The following DEFB121 variants were observed in gnomAD, a reference collection of about 807,000 sequenced individuals.
The protein encoded by DEFB121 is defensin beta 121, also known as beta-defensin 121.
In DEFB121, 5 loss-of-function variants were observed where a neutral mutation model predicts 2.5. The observed-to-expected ratio is 1.96, with a 90% CI of 1.03 to 4.13. DEFB121 has a LOEUF of 4.13. Among genes scored for constraint, DEFB121 ranks in the 30% most tolerant of loss-of-function variants. DEFB121 has a pLI of 0.00. For missense variants in DEFB121, 87 were observed against 85.0 expected, an observed-to-expected ratio of 1.02 and a Z score of -0.09; for synonymous variants, 39 against 32.6, an observed-to-expected ratio of 1.20 and a Z score of -0.67.
chr20:31,415,544 C>T (rs1231569532), upstream of DEFB121, among the ~76,000 whole-genome samples: 1 of 152,084 alleles, frequency 6.6e-6, no homozygotes, highest in African/African-American at 2.4e-5. Context: ...GCTACCATGC[C>T]GGCGATGAAC....
exon 1 of DEFB121, chr20:31,412,820 T>C (rs1978701908): frequency 4.3e-6 from 2 of 464,000 alleles, no homozygotes; most frequent in African/African-American, 2.0e-5. Flanking sequence ...TCACCCAGAG[T>C]CGAGGCTCAA....
At chr20:31,405,234 A>AG in intron 1 of DEFB121, 149 bp from the exon 2 acceptor site, 2 of 747,772 alleles carry the variant, frequency 2.7e-6, no homozygotes, top group Non-Finnish European at 4.2e-6. Flanking sequence ...CCCTAAGTTT[A>AG]AGGGAGATTA....
chr20:31,406,228 C>G (rs1037232158), upstream of DEFB121: 9 of 1,594,914 alleles, frequency 5.6e-6, no homozygotes, highest in East Asian at 1.1e-4. Flanking sequence ...TCTGGGCAGT[C>G]CAGACTGGTA....
chr20:31,410,448 G>C (rs1405424256), upstream of DEFB121, among the ~76,000 whole-genome samples: 2 of 152,174 alleles, frequency 1.3e-5, no homozygotes, highest in Non-Finnish European at 2.9e-5. Context: ...CATCATAGGA[G>C]TTAAACATCA....
At chr20:31,415,412 G>C (rs553148707), upstream of DEFB121, among the ~76,000 whole-genome samples, 6 of 152,078 alleles carry the variant, frequency 3.9e-5, no homozygotes, top group East Asian at 1.2e-3. Flanking sequence ...ACCATGCCTG[G>C]CTAATTTTTC....
upstream of DEFB121, among the ~76,000 whole-genome samples, chr20:31,415,120 C>A (rs11504933): frequency 0.073 from 11,043 of 152,130 alleles, 1,325 homozygotes; most frequent in African/African-American, 0.25. Flanking sequence ...CTACATTGTA[C>A]CTAGAGTCAA....
At chr20:31,416,301 T>C (rs1212915996), upstream of DEFB121, among the ~76,000 whole-genome samples, 1 of 152,172 alleles carries the variant, frequency 6.6e-6, no homozygotes, top group Non-Finnish European at 1.5e-5. Context: ...CCTCAAGTGA[T>C]TTGCCCGCTT....
chr20:31,412,599 T>C (rs1278985786), intron 1 of DEFB121: 3 of 1,290,428 alleles, frequency 2.3e-6, no homozygotes, highest in East Asian at 5.5e-5. Context: ...TGGTAGTTAC[T>C]GTTATTTACT....
chr20:31,418,270 A>AAAAAAAG, the DEFB121 span, among the ~76,000 whole-genome samples: 1 of 83,854 alleles, frequency 1.2e-5, no homozygotes, highest in South Asian at 2.4e-4. Flanking sequence ...AAAAAAAAAA[A>AAAAAAAG]AAAAAAAAAA....
At chr20:31,410,856 A>G (rs796702750), upstream of DEFB121, among the ~76,000 whole-genome samples, 104 of 122,206 alleles carry the variant, frequency 8.5e-4, 1 homozygote, top group East Asian at 0.011. Context: ...GAGAGAGAGA[A>G]AGAGAGCAAC....
chr20:31,410,761 C>G (rs1978637762), upstream of DEFB121, among the ~76,000 whole-genome samples: 3 of 151,084 alleles, frequency 2.0e-5, no homozygotes, highest in Admixed American at 2.0e-4. Context: ...TTCCTCCACT[C>G]TTGAGAAAGG....
At chr20:31,412,232 T>C (rs935204856) in intron 1 of DEFB121, among the ~76,000 whole-genome samples, 37 of 152,358 alleles carry the variant, frequency 2.4e-4, no homozygotes, top group Middle Eastern at 3.4e-3. Context: ...AGTTCTATTA[T>C]ATTCCAACTC....
chr20:31,418,443 T>C, the DEFB121 span, among the ~76,000 whole-genome samples: 1 of 151,974 alleles, frequency 6.6e-6, no homozygotes, highest in Non-Finnish European at 1.5e-5. Context: ...GAGGCAGGAC[T>C]CAACTCTAGA....
chr20:31,406,364 A>G (rs1268440417), upstream of DEFB121: 1 of 1,073,260 alleles, frequency 9.3e-7, no homozygotes, highest in African/African-American at 1.6e-5. Context: ...GGAGAGGGGG[A>G]AGGGACGTTA....
chr20:31,414,932 C>T (rs1453898801), upstream of DEFB121, among the ~76,000 whole-genome samples: 1 of 152,080 alleles, frequency 6.6e-6, no homozygotes, highest in East Asian at 1.9e-4. Context: ...CACCTATAGT[C>T]CCAGCTACTC....
upstream of DEFB121, among the ~76,000 whole-genome samples, chr20:31,408,768 G>A (rs1978568803): frequency 6.6e-6 from 1 of 152,222 alleles, no homozygotes. Flanking sequence ...GCTCACGCCT[G>A]TAATTCCAGC....
chr20:31,405,593 T>C (rs915158680), intron 1 of DEFB121, among the ~76,000 whole-genome samples: 1 of 152,136 alleles, frequency 6.6e-6, no homozygotes, highest in Non-Finnish European at 1.5e-5. Flanking sequence ...ATCCTGGGAC[T>C]TTTCTCTGGC....
chr20:31,414,603 A>G (rs1460439136), upstream of DEFB121, among the ~76,000 whole-genome samples: 3 of 152,254 alleles, frequency 2.0e-5, no homozygotes, highest in African/African-American at 7.2e-5. Context: ...CAGTCACGGA[A>G]AGACAAATGC....
intron 1 of DEFB121, among the ~76,000 whole-genome samples, chr20:31,411,935 T>C (rs185144731): frequency 1.4e-3 from 219 of 152,352 alleles, no homozygotes; most frequent in African/African-American, 5.1e-3. Flanking sequence ...GGGTGGTATC[T>C]GAAATTCAGA....
Sources: gnomAD v4.1 joint callset for allele counts (sites outside exome capture counted in the v4.1 genomes callset) on GRCh38, gnomAD v4.1.1 for gene constraint, MANE v1.5 for transcripts, NCBI Gene and HGNC (gene_info 2026-07-23, HGNC 2026-07-21) for gene names.